HUWE1: variants seen among roughly 807,000 people sequenced by gnomAD.
The protein encoded by HUWE1 is HECT, UBA and WWE domain containing E3 ubiquitin protein ligase 1, also known as E3 ubiquitin-protein ligase HUWE1.
Under a neutral mutation model 299.4 loss-of-function variants are expected in HUWE1, and 18 were observed. The ratio of observed to expected loss-of-function variants is 0.06; its 90% CI spans 0.04 to 0.09. The LOEUF is 0.09. Ranked by LOEUF, HUWE1 falls within the 10% of genes least tolerant of loss-of-function variation. HUWE1 has a pLI of 1.00. For missense variants in HUWE1, 1,832 were observed against 3,462.3 expected (o/e 0.53, Z 11.82); for synonymous variants, 1,317 against 1,286.1 (o/e 1.02, Z -0.51).
At chrX:53,589,985 A>G (rs1337833477) in intron 35 of HUWE1, among the ~76,000 whole-genome samples, 169 bp from the exon 36 acceptor site, 1 of 112,187 alleles carries the variant, frequency 8.9e-6, no homozygotes, top group African/African-American at 3.2e-5. Flanking sequence ...AAGGCAAGAC[A>G]GGGAAGGTAG....
Position 53,564,567 on chromosome X carries a change from TC to T in HUWE1, c.7029+6del. 8.3e-7 allele frequency: 1 copy of T among 1,209,878 alleles called. No homozygotes were observed. On this transcript the variant is annotated splice_donor_region_variant and intron_variant, in intron 51 of 83. Transcript: ENST00000262854. ...ACAGGGAAATGCTGGGTGATCTGCC[TC>T]CCTACCTGCATCTCTTGTGAACTGA...
At chrX:53,651,287 C>T (rs1230476478) in intron 4 of HUWE1, among the ~76,000 whole-genome samples, 2 of 111,157 alleles carry the variant, frequency 1.8e-5, no homozygotes, top group African/African-American at 6.6e-5. Flanking sequence ...TCCATCACCT[C>T]CAAGTTTCCT....
intron 74 of HUWE1, among the ~76,000 whole-genome samples, chrX:53,541,378 A>T (rs140822819): frequency 0.011 from 1,200 of 111,057 alleles, 22 homozygotes; most frequent in African/African-American, 0.038. Flanking sequence ...ACTTGAGGTC[A>T]GGAGTTTGAA....
chrX:53,647,345 A>C, intron 6 of HUWE1, 23 bp downstream of exon 6: 1 of 1,096,883 alleles, frequency 9.1e-7, no homozygotes, highest in Non-Finnish European at 1.3e-6. Flanking sequence ...AGAACAGGGT[A>C]CACAGGCTTT....
chrX:53,637,227 CCTA>C (rs1210782634), intron 7 of HUWE1, among the ~76,000 whole-genome samples: 1 of 112,333 alleles, frequency 8.9e-6, no homozygotes, highest in African/African-American at 3.2e-5. Context: ...GCTTCTGGAA[CCTA>C]CTGATTGGTC....
intron 7 of HUWE1, among the ~76,000 whole-genome samples, chrX:53,640,292 G>A (rs996470383): frequency 1.3e-4 from 14 of 111,812 alleles, no homozygotes; most frequent in East Asian, 8.4e-4. Flanking sequence ...CCTGGGAAGC[G>A]GAGGATGCAG....
rs984086161 is a variant in HUWE1 at position 53,537,362 on chromosome X, A to G, written c.12137+194T>C. Reference sequence around the variant, plus strand: ...CTGGGAATTGTTGGGTAGCTTAGCTAAAGGGCCAGCCAGCAGGGCAGGCCC... The same window carrying G: ...CTGGGAATTGTTGGGTAGCTTAGCTGAAGGGCCAGCCAGCAGGGCAGGCCC... On this transcript the variant is annotated intron_variant, in intron 78 of 83. Transcript: ENST00000262854. 4.6e-5 allele frequency: 22 copies of G among 479,815 alleles called. No individual in the cohort carries two copies. In the African/African-American group the frequency reaches 4.8e-4, roughly 10 times the overall value. 39.5% of individuals were successfully genotyped at this position (479,815 alleles called of 1,213,427 possible).
chrX:53,537,008 C>CT (rs782618317), intron 78 of HUWE1, among the ~76,000 whole-genome samples: 1 of 112,221 alleles, frequency 8.9e-6, no homozygotes, highest in African/African-American at 3.2e-5. Flanking sequence ...TCCAAATTCT[C>CT]TAAAGGTATT....
intron 3 of HUWE1, among the ~76,000 whole-genome samples, chrX:53,656,614 T>A (rs1182744046): frequency 9.2e-6 from 1 of 109,162 alleles, no homozygotes; most frequent in Admixed American, 9.8e-5. Context: ...AGTAAAGATG[T>A]CAAATCTCCT....
Position 53,580,114 on chromosome X carries a change from CTTT to C in HUWE1, c.5716+714_5716+716del, listed in dbSNP as rs781989271. Among the ~76,000 whole-genome samples, 1,087 of 111,516 alleles carry C rather than the reference CTTT, an allele frequency of 9.7e-3. 9 individuals are homozygous for C. Among genetic ancestry groups the C allele is most frequent in the Middle Eastern group, 0.023 (5 of 214 alleles). ...TCCTAAGATCAAGGACATATATTTT[CTTT>C]TTTATTACCAAAAAAGTCAGCAGAG... is the stretch of plus-strand genomic sequence containing the variant. On this transcript the variant is annotated intron_variant, in intron 43 of 83. Transcript: ENST00000262854.
rs782050012 is a variant in HUWE1 at position 53,625,852 on chromosome X, CA to C, written c.1490-595del. 3 of 156,411 alleles carry C rather than the reference CA, an allele frequency of 1.9e-5. 1 individual carries two copies. Among genetic ancestry groups the C allele is most frequent in the Non-Finnish European group, 4.0e-5 (3 of 75,412 alleles). The allele number at this position is 156,411 out of a possible 1,213,427, so 12.9% of individuals were successfully genotyped here. On this transcript the variant is annotated intron_variant, in intron 17 of 83. Coordinates refer to ENST00000262854, the MANE Select transcript of HUWE1 (RefSeq NM_031407.7). The stretch of plus-strand genomic sequence containing the variant: ...CCAGGACCGGGGCCGGGGCCGGGGC[CA>C]GGGCCGGGGCCGGGGCCGGGGCCGG...
At position 53,591,202 on chromosome X, in the gene HUWE1, T is replaced by G. The variant is rs1556978665; in HGVS notation, c.3973-80A>C. 5.5e-6 allele frequency: 6 copies of G among 1,099,465 alleles called. No individual in the cohort carries two copies. The Admixed American group carries it at 9.7e-5, about 18-fold the overall frequency. 90.6% of individuals were successfully genotyped at this position (1,099,465 alleles called of 1,213,427 possible). A position where few individuals can be genotyped will look rare whatever the true frequency, so the allele number is the denominator to read the frequency against. ...TTAAAAGGAAGGAACCTTTTCAAGATGGAAATAACTTTTTCTAACTTCATC... is the reference window on the plus strand; with the variant it reads ...TTAAAAGGAAGGAACCTTTTCAAGAGGGAAATAACTTTTTCTAACTTCATC... On this transcript the variant is annotated intron_variant, in intron 33 of 83. Coordinates refer to ENST00000262854, the MANE Select transcript of HUWE1 (RefSeq NM_031407.7).
At chrX:53,565,368 C>T in intron 49 of HUWE1, 129 bp from the exon 50 acceptor site, 1 of 623,408 alleles carries the variant, frequency 1.6e-6, no homozygotes, top group Admixed American at 3.9e-5. Flanking sequence ...ACAACTAACA[C>T]TCTACTTTTG....
At chrX:53,658,049 CAAAAA>C (rs782662378) in intron 3 of HUWE1, among the ~76,000 whole-genome samples, 1 of 38,041 alleles carries the variant, frequency 2.6e-5, no homozygotes, top group East Asian at 8.7e-4. Flanking sequence ...GACTCCGTCT[CAAAAA>C]AAAAAAAAGT....
chrX:53,636,897 A>G (rs2067253847), intron 7 of HUWE1, among the ~76,000 whole-genome samples: 1 of 112,549 alleles, frequency 8.9e-6, no homozygotes, highest in Non-Finnish European at 1.9e-5. Context: ...ATTCACAGAC[A>G]GAAGGTATAA....
intron 4 of HUWE1, among the ~76,000 whole-genome samples, chrX:53,649,165 T>TG (rs1279925106): frequency 1.8e-5 from 2 of 112,314 alleles, no homozygotes; most frequent in African/African-American, 6.5e-5. Flanking sequence ...CTAAGCTGTT[T>TG]GATCATGAGC....
chrX:53,572,305 A>C (rs1306602094), intron 47 of HUWE1, among the ~76,000 whole-genome samples: 1 of 111,981 alleles, frequency 8.9e-6, no homozygotes, highest in African/African-American at 3.3e-5. Context: ...GAGGAGATGC[A>C]CTAAAGAACA....
At chrX:53,681,503 G>A (rs1046804551) in intron 2 of HUWE1, among the ~76,000 whole-genome samples, 2 of 109,961 alleles carry the variant, frequency 1.8e-5, no homozygotes, top group African/African-American at 6.6e-5. Context: ...AAGTACGTTA[G>A]AAAATATAAA....
At chrX:53,533,614 A>G in intron 83 of HUWE1, 1 of 461,373 alleles carries the variant, frequency 2.2e-6, no homozygotes, top group East Asian at 3.7e-5. Context: ...CAAAAATCTG[A>G]CCCTGTCACT....
Sources: gnomAD v4.1 joint callset for allele counts (sites outside exome capture counted in the v4.1 genomes callset) on GRCh38, gnomAD v4.1.1 for gene constraint, MANE v1.5 for transcripts, NCBI Gene and HGNC (gene_info 2026-07-23, HGNC 2026-07-21) for gene names.